The following SIPA1L3 variants were observed in gnomAD, a reference collection of about 807,000 sequenced individuals.
The protein encoded by SIPA1L3 is signal induced proliferation associated 1 like 3, also known as signal-induced proliferation-associated 1-like protein 3.
In SIPA1L3, 59 loss-of-function variants were observed where a neutral mutation model predicts 150.1. The ratio of observed to expected loss-of-function variants is 0.39; its 90% CI spans 0.32 to 0.49. The LOEUF (loss-of-function observed/expected upper bound fraction) is 0.49. Ranked by LOEUF, SIPA1L3 falls within the 20% of genes least tolerant of loss-of-function variation. The pLI is 0.86. For missense variants in SIPA1L3, 2,211 were observed against 2,489.5 expected, an observed-to-expected ratio of 0.89 and a Z score of 2.38; for synonymous variants, 1,070 against 1,077.6, an observed-to-expected ratio of 0.99 and a Z score of 0.14.
At chr19:38,183,898 T>C (rs1972619388) in intron 16 of SIPA1L3, among the ~76,000 whole-genome samples, 1 of 152,084 alleles carries the variant, frequency 6.6e-6, no homozygotes, top group Admixed American at 6.5e-5. Context: ...GAACCGACTA[T>C]ATAGGGTTAA....
chr19:38,148,406 C>T (rs1971746652), intron 12 of SIPA1L3, among the ~76,000 whole-genome samples: 2 of 151,666 alleles, frequency 1.3e-5, no homozygotes, highest in Non-Finnish European at 1.5e-5. Flanking sequence ...CCCCTCAACC[C>T]CTGGCAAGGT....
intron 1 of SIPA1L3, among the ~76,000 whole-genome samples, chr19:37,993,807 T>C (rs1319540615): frequency 2.0e-5 from 3 of 152,218 alleles, no homozygotes; most frequent in African/African-American, 7.2e-5. Flanking sequence ...TCCACCAGAT[T>C]GTTCAAGGTG....
intron 9 of SIPA1L3, 120 bp from the exon 10 acceptor site, chr19:38,130,378 A>C: frequency 4.1e-6 from 4 of 974,706 alleles, no homozygotes; most frequent in Non-Finnish European, 6.1e-6. Flanking sequence ...TCACCCGGGA[A>C]GGTATTAATA....
At chr19:38,199,968 C>T (rs1049130637) in intron 19 of SIPA1L3, 1 of 152,132 alleles carries the variant, frequency 6.6e-6, no homozygotes, top group East Asian at 1.9e-4. Context: ...GTGGTTCGCA[C>T]CTGTAACCCC....
chr19:37,938,116 G>T (rs1047930362), intron 1 of SIPA1L3, among the ~76,000 whole-genome samples: 4 of 152,140 alleles, frequency 2.6e-5, no homozygotes, highest in Non-Finnish European at 4.4e-5. Context: ...CTAATATTAT[G>T]ATTCTAACAT....
intron 3 of SIPA1L3, 35 bp from the exon 4 acceptor site, chr19:38,088,686 A>T: frequency 6.2e-7 from 1 of 1,606,126 alleles, no homozygotes; most frequent in Non-Finnish European, 8.5e-7. Context: ...CTTCCCAGAC[A>T]GCTGAGCCTG....
chr19:38,166,330 G>A (rs750503173), intron 15 of SIPA1L3, among the ~76,000 whole-genome samples: 3 of 151,800 alleles, frequency 2.0e-5, no homozygotes, highest in Non-Finnish European at 4.4e-5. Context: ...GGTAGTGGGC[G>A]CCTGTAGTCC....
chr19:38,152,104 T>A lies in SIPA1L3; in HGVS notation c.3534-736T>A, dbSNP rs8112585. Among the ~76,000 whole-genome samples, 248 of 152,156 alleles carry A rather than the reference T, an allele frequency of 1.6e-3. 3 individuals are homozygous for A. The highest frequency in any genetic ancestry group is 5.8e-3 in the African/African-American group (240 of 41,530). ...TCCAGGAGGACCTCTGTCTAGGGGATAACTTTATTCCATCCACTCCCCAAC... is the reference window on the plus strand; with the variant it reads ...TCCAGGAGGACCTCTGTCTAGGGGAAAACTTTATTCCATCCACTCCCCAAC... On this transcript the variant is annotated intron_variant, in intron 12 of 21. Coordinates refer to ENST00000222345, the MANE Select transcript of SIPA1L3 (RefSeq NM_015073.3).
At chr19:38,113,779 G>T (rs1277070739) in intron 8 of SIPA1L3, among the ~76,000 whole-genome samples, 3 of 152,098 alleles carry the variant, frequency 2.0e-5, no homozygotes, top group African/African-American at 4.8e-5. Context: ...CCCAAATGTT[G>T]CAGGCACTGA....
At chr19:38,098,181 G>T (rs951347509) in intron 4 of SIPA1L3, among the ~76,000 whole-genome samples, 2 of 152,142 alleles carry the variant, frequency 1.3e-5, no homozygotes, top group Non-Finnish European at 2.9e-5. Flanking sequence ...GCTGCAAAGC[G>T]ATAGAAAACC....
At chr19:37,980,301 A>G (rs1967171384) in intron 1 of SIPA1L3, among the ~76,000 whole-genome samples, 1 of 152,168 alleles carries the variant, frequency 6.6e-6, no homozygotes. Flanking sequence ...CATTATATCA[A>G]TACAAGCAAA....
intron 4 of SIPA1L3, among the ~76,000 whole-genome samples, chr19:38,093,742 C>A (rs886687138): frequency 1.3e-5 from 2 of 152,206 alleles, no homozygotes; most frequent in African/African-American, 4.8e-5. Context: ...AGCCGCCAAG[C>A]AGACAGTCTC....
chr19:38,113,909 G>C (rs1173331816), intron 8 of SIPA1L3, among the ~76,000 whole-genome samples: 3 of 152,066 alleles, frequency 2.0e-5, no homozygotes, highest in Non-Finnish European at 2.9e-5. Context: ...CATCCTTTCT[G>C]TTTCAAGTGT....
At chr19:38,180,095 C>T (rs1972523972) in intron 15 of SIPA1L3, among the ~76,000 whole-genome samples, 1 of 152,210 alleles carries the variant, frequency 6.6e-6, no homozygotes, top group Non-Finnish European at 1.5e-5. Flanking sequence ...CTTGGCTTCT[C>T]AAAGTGCTGG....
intron 1 of SIPA1L3, among the ~76,000 whole-genome samples, chr19:38,027,487 A>G (rs934875332): frequency 4.6e-5 from 7 of 152,006 alleles, no homozygotes; most frequent in African/African-American, 1.7e-4. Flanking sequence ...AGATTCCTGG[A>G]GGAGCTGACC....
At chr19:38,153,065 A>T in intron 13 of SIPA1L3, 98 bp downstream of exon 13, 2 of 1,424,702 alleles carry the variant, frequency 1.4e-6, no homozygotes, top group South Asian at 1.4e-5. Flanking sequence ...CTTGTGAGTG[A>T]CGGATAAAAC....
intron 1 of SIPA1L3, among the ~76,000 whole-genome samples, chr19:37,913,737 C>G (rs961897742): frequency 6.9e-6 from 1 of 145,834 alleles, no homozygotes; most frequent in Non-Finnish European, 1.5e-5. Context: ...AAAATCCTGG[C>G]TGGGCACAGC....
chr19:38,134,692 G>A (rs957639586), intron 10 of SIPA1L3, among the ~76,000 whole-genome samples: 1 of 133,844 alleles, frequency 7.5e-6, no homozygotes, highest in Non-Finnish European at 1.6e-5. Context: ...ATGACAGAGC[G>A]AGACTCTGTT....
chr19:38,099,868 A>G (rs937493167), intron 4 of SIPA1L3, 94 bp from the exon 5 acceptor site: 1 of 1,078,390 alleles, frequency 9.3e-7, no homozygotes. Context: ...CAATCATCAC[A>G]CATGTCTCTT....
Sources: allele counts gnomAD v4.1 joint callset (sites outside exome capture counted in the v4.1 genomes callset), GRCh38; gene constraint gnomAD v4.1.1; transcripts MANE v1.5; gene names NCBI Gene and HGNC (gene_info 2026-07-23, HGNC 2026-07-21).